GABRB1: variants seen among roughly 807,000 people sequenced by gnomAD.
The protein encoded by GABRB1 is gamma-aminobutyric acid type A receptor subunit beta1.
A neutral mutation model predicts 51.6 loss-of-function variants in GABRB1; 17 were observed. The observed-to-expected ratio is 0.33, with a 90% CI of 0.23 to 0.49. The LOEUF (loss-of-function observed/expected upper bound fraction) is 0.49. Among genes scored for constraint, GABRB1 ranks in the 20% least tolerant of loss-of-function variants. The pLI is 0.99. For missense variants in GABRB1, 410 were observed against 600.6 expected, an observed-to-expected ratio of 0.68 and a Z score of 3.32; for synonymous variants, 247 against 218.9, an observed-to-expected ratio of 1.13 and a Z score of -1.14.
intron 5 of GABRB1, among the ~76,000 whole-genome samples, chr4:47,378,598 C>G (rs775528198): frequency 2.6e-5 from 4 of 152,190 alleles, no homozygotes; most frequent in Non-Finnish European, 4.4e-5. Context: ...GTGAGGACTG[C>G]CGGCATGCTG....
intron 8 of GABRB1, among the ~76,000 whole-genome samples, chr4:47,411,545 G>A (rs1330690533): frequency 2.0e-5 from 3 of 152,186 alleles, no homozygotes; most frequent in Non-Finnish European, 2.9e-5. Flanking sequence ...GAACTAGTGT[G>A]AGGGAGATCA....
At position 47,211,114 on chromosome 4, in the gene GABRB1, G is replaced by C. The variant is rs114173949; in HGVS notation, c.461+49645G>C. ...TGCTTGGGCACTACTTCTTTCCCAC[G>C]TTACCAGAACCCACTTGCCTTTTTA... is the stretch of plus-strand genomic sequence containing the variant. On this transcript the variant is annotated intron_variant, in intron 4 of 8. Transcript: ENST00000295454. Among the ~76,000 whole-genome samples, 3 of 151,992 alleles carry C rather than the reference G, an allele frequency of 2.0e-5. No homozygotes were observed. The East Asian group carries it at 5.8e-4, about 29-fold the overall frequency.
At chr4:47,019,671 C>CTTTCT (rs1273457626) in intron 1 of GABRB1, among the ~76,000 whole-genome samples, 42 of 136,794 alleles carry the variant, frequency 3.1e-4, no homozygotes, top group African/African-American at 1.1e-3. Flanking sequence ...TTCTTTCTTT[C>CTTTCT]TTTCTTTCCT....
chr4:47,002,730 C>G (rs546597651), intron 1 of GABRB1, among the ~76,000 whole-genome samples: 3 of 152,156 alleles, frequency 2.0e-5, no homozygotes, highest in Non-Finnish European at 2.9e-5. Flanking sequence ...CCAAACAAAT[C>G]TGTGAATCCT....
chr4:47,289,492 A>G (rs1414380317), intron 4 of GABRB1, among the ~76,000 whole-genome samples: 1 of 152,208 alleles, frequency 6.6e-6, no homozygotes, highest in Non-Finnish European at 1.5e-5. Flanking sequence ...CTCAACCTTC[A>G]GCCTGGATTC....
At chr4:47,012,123 T>G (rs1724599620) in intron 1 of GABRB1, among the ~76,000 whole-genome samples, 1 of 152,216 alleles carries the variant, frequency 6.6e-6, no homozygotes, top group Non-Finnish European at 1.5e-5. Context: ...TTATATATTT[T>G]TACATGTGTA....
chr4:47,068,433 C>T (rs1034100146), intron 3 of GABRB1, among the ~76,000 whole-genome samples: 4 of 152,174 alleles, frequency 2.6e-5, no homozygotes, highest in African/African-American at 4.8e-5. Context: ...ACATGCCTTC[C>T]TGGCTAAGCT....
intron 3 of GABRB1, among the ~76,000 whole-genome samples, chr4:47,063,817 T>C (rs1430484933): frequency 6.6e-6 from 1 of 152,028 alleles, no homozygotes; most frequent in Non-Finnish European, 1.5e-5. Flanking sequence ...CCCTCACTTA[T>C]AAGTGGGAGC....
intron 4 of GABRB1, among the ~76,000 whole-genome samples, chr4:47,185,141 G>T (rs1481663831): frequency 6.6e-6 from 1 of 151,728 alleles, no homozygotes; most frequent in Non-Finnish European, 1.5e-5. Context: ...TATTATTTTG[G>T]TTTTCCTTTG....
chr4:47,158,847 A>G (rs897723501), intron 3 of GABRB1, among the ~76,000 whole-genome samples: 11 of 152,136 alleles, frequency 7.2e-5, no homozygotes, highest in Non-Finnish European at 1.6e-4. Flanking sequence ...GAAGTGTAAT[A>G]CTAATGTGTA....
intron 1 of GABRB1, among the ~76,000 whole-genome samples, chr4:47,013,330 T>C (rs1469091345): frequency 2.0e-5 from 3 of 152,312 alleles, no homozygotes; most frequent in African/African-American, 7.2e-5. Flanking sequence ...CGGATAATTT[T>C]TGTATTTTTA....
intron 5 of GABRB1, among the ~76,000 whole-genome samples, chr4:47,354,843 G>T (rs1258514174): frequency 2.1e-5 from 3 of 142,352 alleles, no homozygotes; most frequent in Non-Finnish European, 3.1e-5. Flanking sequence ...CTCTTATAAA[G>T]CTTTTCTGTG....
At chr4:47,178,398 T>A (rs1718791946) in intron 4 of GABRB1, among the ~76,000 whole-genome samples, 1 of 152,144 alleles carries the variant, frequency 6.6e-6, no homozygotes, top group Non-Finnish European at 1.5e-5. Context: ...TTTGATGATA[T>A]CCGCTCCTGT....
intron 4 of GABRB1, among the ~76,000 whole-genome samples, chr4:47,193,619 G>A (rs1361512907): frequency 2.0e-5 from 3 of 152,142 alleles, no homozygotes; most frequent in Non-Finnish European, 4.4e-5. Flanking sequence ...CAAGTAATAG[G>A]TCCTCCATAA....
intron 5 of GABRB1, among the ~76,000 whole-genome samples, chr4:47,370,045 G>C (rs2110017555): frequency 6.6e-6 from 1 of 151,932 alleles, no homozygotes; most frequent in South Asian, 2.1e-4. Context: ...CTAAAGAACT[G>C]TCCCAAACCT....
chr4:47,154,032 A>T (rs1577956751), intron 3 of GABRB1, among the ~76,000 whole-genome samples: 1 of 152,218 alleles, frequency 6.6e-6, no homozygotes, highest in South Asian at 2.1e-4. Context: ...ACACTAGATG[A>T]TGTAAAGATA....
chr4:47,281,901 A>C (rs1394123732), intron 4 of GABRB1, among the ~76,000 whole-genome samples: 1 of 152,208 alleles, frequency 6.6e-6, no homozygotes, highest in Non-Finnish European at 1.5e-5. Context: ...ATGGAGAAAG[A>C]CAAAATGTTG....
At chr4:47,032,698 C>T (rs1577842015) in intron 3 of GABRB1, 2 of 712,384 alleles carry the variant, frequency 2.8e-6, no homozygotes. Flanking sequence ...GGGAAACGTG[C>T]TCGGCACTAT....
intron 4 of GABRB1, among the ~76,000 whole-genome samples, chr4:47,210,970 G>A (rs1278291121): frequency 2.6e-5 from 4 of 152,158 alleles, no homozygotes; most frequent in Non-Finnish European, 4.4e-5. Flanking sequence ...TCTGAGAAAA[G>A]CCCAGAGACA....
Sources: allele counts gnomAD v4.1 joint callset (sites outside exome capture counted in the v4.1 genomes callset), GRCh38; gene constraint gnomAD v4.1.1; transcripts MANE v1.5; gene names NCBI Gene and HGNC (gene_info 2026-07-23, HGNC 2026-07-21).